The following ZC3H12B variants were observed in gnomAD, a reference collection of about 807,000 sequenced individuals.
The protein encoded by ZC3H12B is probable ribonuclease ZC3H12B.
A neutral mutation model predicts 43.9 loss-of-function variants in ZC3H12B; 7 were observed. The observed-to-expected ratio is 0.16, with a 90% CI of 0.09 to 0.30. ZC3H12B has a LOEUF of 0.30. Ranked by LOEUF, ZC3H12B falls within the 10% of genes least tolerant of loss-of-function variation. The pLI, the probability that ZC3H12B is intolerant of heterozygous loss-of-function variation, is 1.00. For synonymous variants in ZC3H12B, 222 were observed against 241.7 expected (o/e 0.92, Z 0.76); for missense variants, 475 against 670.2 (o/e 0.71, Z 3.22).
chrX:65,237,936 A>C, the ZC3H12B span, among the ~76,000 whole-genome samples: 1 of 111,671 alleles, frequency 9.0e-6, no homozygotes, highest in Non-Finnish European at 1.9e-5. Context: ...GAGGATAAGC[A>C]TTTTGATGTG....
intron 3 of ZC3H12B, among the ~76,000 whole-genome samples, chrX:65,475,880 C>G (rs1428332166): frequency 1.8e-5 from 2 of 112,045 alleles, no homozygotes; most frequent in African/African-American, 6.5e-5. Flanking sequence ...CCACTGGGTC[C>G]CTCCCATGAC....
At chrX:65,382,433 C>T (rs866532815) in intron 2 of ZC3H12B, among the ~76,000 whole-genome samples, 45 of 110,828 alleles carry the variant, frequency 4.1e-4, no homozygotes, top group Non-Finnish European at 3.6e-4. Context: ...CAATAAATTA[C>T]GTATTGATGG....
At chrX:65,158,586 G>T in the ZC3H12B span, among the ~76,000 whole-genome samples, 2 of 111,936 alleles carry the variant, frequency 1.8e-5, no homozygotes, top group Non-Finnish European at 3.8e-5. Flanking sequence ...AGAAGTGTCT[G>T]TTCGTGTCCT....
the ZC3H12B span, among the ~76,000 whole-genome samples, chrX:65,332,313 G>T: frequency 1.8e-5 from 2 of 110,882 alleles, no homozygotes; most frequent in Non-Finnish European, 3.8e-5. Context: ...GAAAGCATCG[G>T]TATGTCCAGG....
chrX:65,476,150 TC>T (rs1267947687), intron 3 of ZC3H12B, among the ~76,000 whole-genome samples: 1 of 112,243 alleles, frequency 8.9e-6, no homozygotes, highest in Non-Finnish European at 1.9e-5. Context: ...TTCATTTTTC[TC>T]CCTAGATTTG....
chrX:65,250,198 G>C, the ZC3H12B span, among the ~76,000 whole-genome samples: 4 of 109,425 alleles, frequency 3.7e-5, no homozygotes, highest in Non-Finnish European at 7.6e-5. Context: ...TTGGTTTTTT[G>C]TCCTTGCGAT....
chrX:65,137,000 G>A, the ZC3H12B span, among the ~76,000 whole-genome samples: 150 of 111,016 alleles, frequency 1.4e-3, no homozygotes, highest in African/African-American at 4.7e-3. Context: ...AATTCCTCTG[G>A]AAAAAATACT....
chrX:65,110,373 C>T, the ZC3H12B span, among the ~76,000 whole-genome samples: 2 of 106,399 alleles, frequency 1.9e-5, no homozygotes, highest in South Asian at 3.9e-4. Context: ...GCCCTAGATC[C>T]TATGTATTTT....
the ZC3H12B span, among the ~76,000 whole-genome samples, chrX:65,038,067 C>T: frequency 9.0e-6 from 1 of 111,087 alleles, no homozygotes; most frequent in Non-Finnish European, 1.9e-5. Context: ...TTTTAGTCAG[C>T]CATTGTAAGT....
chrX:65,124,238 T>C, the ZC3H12B span, among the ~76,000 whole-genome samples: 9 of 111,429 alleles, frequency 8.1e-5, no homozygotes, highest in African/African-American at 2.9e-4. Flanking sequence ...TTGTGTCTAT[T>C]GAGATCATTA....
the ZC3H12B span, among the ~76,000 whole-genome samples, chrX:65,247,902 T>A: frequency 8.9e-6 from 1 of 112,436 alleles, no homozygotes; most frequent in East Asian, 2.8e-4. Context: ...AAGTGTTTAG[T>A]GTACTTTTAT....
chrX:65,428,473 T>G (rs1602422780), intron 3 of ZC3H12B, among the ~76,000 whole-genome samples: 1 of 112,622 alleles, frequency 8.9e-6, no homozygotes, highest in Admixed American at 9.4e-5. Context: ...TTTTCTCTAT[T>G]CTTGTCTGCC....
chrX:65,103,403 CA>C, the ZC3H12B span, among the ~76,000 whole-genome samples: 1 of 111,726 alleles, frequency 9.0e-6, no homozygotes, highest in Admixed American at 9.5e-5. Context: ...GTTCTTTTTT[CA>C]AGGTGCCCAG....
the ZC3H12B span, among the ~76,000 whole-genome samples, chrX:65,337,350 A>G: frequency 8.9e-6 from 1 of 112,448 alleles, no homozygotes; most frequent in African/African-American, 3.2e-5. Context: ...AGGTGAATCC[A>G]TACAGTAAAG....
the ZC3H12B span, among the ~76,000 whole-genome samples, chrX:65,135,714 G>A: frequency 6.0e-5 from 6 of 99,624 alleles, no homozygotes; most frequent in East Asian, 9.3e-4. Flanking sequence ...TTTTTTTTTA[G>A]CCACACATGT....
intron 3 of ZC3H12B, among the ~76,000 whole-genome samples, chrX:65,431,090 G>A (rs758392009): frequency 8.9e-6 from 1 of 112,560 alleles, no homozygotes; most frequent in East Asian, 2.8e-4. Flanking sequence ...CATGCACAGT[G>A]AAAAGAAATA....
At chrX:65,268,429 G>A in the ZC3H12B span, among the ~76,000 whole-genome samples, 2 of 111,620 alleles carry the variant, frequency 1.8e-5, no homozygotes, top group South Asian at 3.7e-4. Context: ...ACATCACCTT[G>A]ATACCTAAAC....
chrX:65,151,720 T>A, the ZC3H12B span, among the ~76,000 whole-genome samples: 1 of 111,738 alleles, frequency 8.9e-6, no homozygotes, highest in Non-Finnish European at 1.9e-5. Context: ...GAATCCTCCC[T>A]AACTCATTTA....
the ZC3H12B span, chrX:65,270,956 C>A: frequency 2.7e-5 from 3 of 112,077 alleles, no homozygotes; most frequent in Admixed American, 2.8e-4. Flanking sequence ...ACTGAAAAGT[C>A]ATTTCAGATC....
Sources: gnomAD v4.1 joint callset for allele counts (sites outside exome capture counted in the v4.1 genomes callset) on GRCh38, gnomAD v4.1.1 for gene constraint, MANE v1.5 for transcripts, NCBI Gene and HGNC (gene_info 2026-07-23, HGNC 2026-07-21) for gene names.